ZGRF1: variants seen among roughly 807,000 people sequenced by gnomAD.
ZGRF1 encodes zinc finger GRF-type containing 1.
In ZGRF1, 196 loss-of-function variants were observed where a neutral mutation model predicts 203.5. The observed-to-expected ratio is 0.96, with a 90% CI of 0.86 to 1.08. The LOEUF is 1.08. Ranked by LOEUF, ZGRF1 falls within the 50% of genes least tolerant of loss-of-function variation. ZGRF1 has a pLI of 0.00. For synonymous variants in ZGRF1, 809 were observed against 841.3 expected (o/e 0.96, Z 0.66); for missense variants, 2,326 against 2,416.3 (o/e 0.96, Z 0.78).
At chr4:112,585,859 G>T in intron 13 of ZGRF1, 134 bp from the exon 14 acceptor site, 15 of 412,200 alleles carry the variant, frequency 3.6e-5, no homozygotes, top group South Asian at 8.6e-5. Flanking sequence ...GTTTTTAAAA[G>T]TTATTTTCTG....
rs1375060421 is a variant in ZGRF1 at position 112,587,649 on chromosome 4, T to C, written c.3408A>G (p.Ser1136=). The C allele has an allele frequency of 6.2e-7, 1 of 1,613,684 alleles. No homozygotes were observed. The highest frequency in any genetic ancestry group is 1.3e-5 in the African/African-American group (1 of 74,928). Reference sequence around the variant, plus strand: ...TGCTCTGAGTAGATATATTATTAAGTGAAACATCCCCTGGATTCACTTCCC... The same window carrying C: ...TGCTCTGAGTAGATATATTATTAAGCGAAACATCCCCTGGATTCACTTCCC... ...ESREVNPGDV[S]LNNISTQSKW... is the part of the protein sequence containing the mutation. The change falls in exon 12 of 28, where the codon TCA becomes TCG. Residue 1136 remains serine, a synonymous_variant. Coordinates refer to ENST00000505019, the MANE Select transcript of ZGRF1 (RefSeq NM_018392.5).
chr4:112,595,515 C>T (rs1163933164), intron 10 of ZGRF1, among the ~76,000 whole-genome samples: 7 of 152,064 alleles, frequency 4.6e-5, no homozygotes, highest in Non-Finnish European at 5.9e-5. Context: ...GATAGGAGAC[C>T]AGCCTGGGCA....
In ZGRF1 at chr4:112,605,998, C is replaced by G. The variant is rs906880837; in HGVS notation, c.2802+10G>C. ...TGGTTAAATAAATCGATGTTCTTCA[C>G]AAATTTTACCTTAGGGTCACAGGTT... On this transcript the variant is annotated intron_variant, in intron 9 of 27. Coordinates refer to ENST00000505019, the MANE Select transcript of ZGRF1 (RefSeq NM_018392.5). The G allele has an allele frequency of 6.5e-7, 1 of 1,542,700 alleles. No homozygotes were observed. The highest frequency in any genetic ancestry group is 8.9e-7 in the Non-Finnish European group (1 of 1,128,382).
intron 1 of ZGRF1, among the ~76,000 whole-genome samples, chr4:112,636,342 G>T (rs996595174): frequency 2.0e-5 from 3 of 151,832 alleles, no homozygotes; most frequent in Non-Finnish European, 2.9e-5. Context: ...CATAAAACTC[G>T]GTGTTCTCAG....
intron 16 of ZGRF1, among the ~76,000 whole-genome samples, chr4:112,565,918 C>T (rs1457024407): frequency 6.6e-6 from 1 of 152,156 alleles, no homozygotes; most frequent in African/African-American, 2.4e-5. Flanking sequence ...ACTAGTTCAA[C>T]CCTGTGGAAG....
chr4:112,597,535 A>G (rs556758730), intron 10 of ZGRF1, among the ~76,000 whole-genome samples: 15 of 151,994 alleles, frequency 9.9e-5, no homozygotes, highest in Non-Finnish European at 2.1e-4. Flanking sequence ...AATAATAATA[A>G]TAATAGTAAT....
At chr4:112,625,788 A>G (rs1319052457) in intron 3 of ZGRF1, among the ~76,000 whole-genome samples, 2 of 146,956 alleles carry the variant, frequency 1.4e-5, no homozygotes, top group African/African-American at 5.1e-5. Context: ...CCAGCTACTC[A>G]GGAGGCTGAG....
At position 112,606,031 on chromosome 4, in the gene ZGRF1, C is replaced by G. The variant is rs1229449644; in HGVS notation, c.2779G>C (p.Glu927Gln). The G allele has an allele frequency of 2.1e-5, 33 of 1,603,018 alleles. No homozygotes were observed. Among genetic ancestry groups the G allele is most frequent in the Non-Finnish European group, 2.7e-5 (32 of 1,174,442 alleles). Residue 927 changes from glutamate to glutamine, a missense_variant, in exon 9 of 28, where the codon GAG becomes CAG. Physicochemically the swap from Glu to Gln is conservative, Grantham distance 29. Transcript: ENST00000505019. The part of the protein sequence containing the change: ...AFQAVIPKQI[E>Q]RKTCDPKPVE... ...ACCTTAGGGTCACAGGTTTTTCTCT[C>G]TATTTGTTTAGGAATAACAGCTTGA...
chr4:112,603,428 CTT>C lies in ZGRF1; in HGVS notation c.2976+94_2976+95del, dbSNP rs1008472019. 180 of 784,136 alleles carry C rather than the reference CTT, an allele frequency of 2.3e-4. 1 individual carries two copies. The Middle Eastern group carries it at 3.8e-3, about 16-fold the overall frequency. The allele number at this position is 784,136 out of a possible 1,614,324, so 48.6% of individuals were successfully genotyped here. A position where few individuals can be genotyped will look rare whatever the true frequency, so the allele number is the denominator to read the frequency against. On this transcript the variant is annotated intron_variant, in intron 10 of 27. Coordinates refer to ENST00000505019, the MANE Select transcript of ZGRF1 (RefSeq NM_018392.5). ...GTCAATTTACTGTACTCCTTTTTAA[CTT>C]ATAACTGTATAAACAACTATACTAT...
At chr4:112,591,660 A>C (rs1247544392) in intron 10 of ZGRF1, among the ~76,000 whole-genome samples, 2 of 152,098 alleles carry the variant, frequency 1.3e-5, no homozygotes, top group Non-Finnish European at 2.9e-5. Context: ...CTTCTGCCCC[A>C]AAACCTTTGC....
At chr4:112,596,450 G>A (rs924254204) in intron 10 of ZGRF1, among the ~76,000 whole-genome samples, 30 of 152,014 alleles carry the variant, frequency 2.0e-4, no homozygotes, top group Admixed American at 2.6e-4. Flanking sequence ...ACACTGGGGG[G>A]AAAAGCAACA....
chr4:112,570,018 C>T (rs1011030266), intron 16 of ZGRF1, among the ~76,000 whole-genome samples: 5 of 151,878 alleles, frequency 3.3e-5, no homozygotes, highest in African/African-American at 1.2e-4. Context: ...AATAAAATAG[C>T]CCTAATATAT....
At chr4:112,613,355 A>G (rs550503570) in intron 6 of ZGRF1, among the ~76,000 whole-genome samples, 1 of 152,328 alleles carries the variant, frequency 6.6e-6, no homozygotes, top group South Asian at 2.1e-4. Flanking sequence ...CATTTTTACT[A>G]TGGCTTAAGA....
chr4:112,628,020 A>C (rs566540855), intron 3 of ZGRF1, among the ~76,000 whole-genome samples: 1 of 152,300 alleles, frequency 6.6e-6, no homozygotes, highest in African/African-American at 2.4e-5. Context: ...TTTGTTTACA[A>C]AACAGAACAA....
chr4:112,605,955 CAGAAA>C, intron 9 of ZGRF1, 48 bp downstream of exon 9: 1 of 1,183,186 alleles, frequency 8.5e-7, no homozygotes, highest in Non-Finnish European at 1.2e-6. Context: ...TTGTTTTAAA[CAGAAA>C]AGAAAATGTA....
rs192625642 is a variant in ZGRF1, at chr4:112,631,681, A to T, written c.102+249T>A. 5.3e-3 allele frequency among the ~76,000 whole-genome samples: 811 copies of T among 152,278 alleles called. 6 individuals are homozygous for T. The highest frequency in any genetic ancestry group is 0.018 in the African/African-American group (755 of 41,552). ...AGTAAGACTCTGTCTCAAAAAAAAT[A>T]AAAATAAATAACAATAGTTACTGTA... On this transcript the variant is annotated intron_variant, in intron 3 of 27. Coordinates refer to ENST00000505019, the MANE Select transcript of ZGRF1 (RefSeq NM_018392.5).
intron 16 of ZGRF1, among the ~76,000 whole-genome samples, chr4:112,575,143 A>G (rs1390122896): frequency 2.0e-5 from 3 of 152,216 alleles, no homozygotes; most frequent in Non-Finnish European, 4.4e-5. Flanking sequence ...AGAAGCATCA[A>G]CAAACTTATT....
chr4:112,619,349 C>A lies in ZGRF1; in HGVS notation c.693G>T (p.Glu231Asp). The A allele has an allele frequency of 6.2e-7, 1 of 1,612,494 alleles. No individual in the cohort carries two copies. The change falls in exon 6 of 28, where the codon GAG (glutamate) becomes GAT (aspartate). Residue 231 changes from glutamate to aspartate, a missense_variant. Coordinates refer to ENST00000505019, the MANE Select transcript of ZGRF1 (RefSeq NM_018392.5). ...NKLSDSLLTN[E>D]PVKRDSLASH... ...ATGCCAAACTATCTCTTTTCACAGG[C>A]TCATTGGTCAGTAAAGAGTCTGAAA...
chr4:112,606,003 T>G lies in ZGRF1; in HGVS notation c.2802+5A>C, dbSNP rs1037141160. ...AAATAAATCGATGTTCTTCACAAAT[T>G]TTACCTTAGGGTCACAGGTTTTTCT... On this transcript the variant is annotated splice_donor_5th_base_variant and intron_variant, in intron 9 of 27. Transcript: ENST00000505019. The G allele has an allele frequency of 2.6e-6, 4 of 1,563,262 alleles. No individual in the cohort carries two copies. Among genetic ancestry groups the G allele is most frequent in the Admixed American group, 1.8e-5 (1 of 54,538 alleles).
Sources: gnomAD v4.1 joint callset for allele counts (sites outside exome capture counted in the v4.1 genomes callset) on GRCh38, gnomAD v4.1.1 for gene constraint, MANE v1.5 for transcripts, NCBI Gene and HGNC (gene_info 2026-07-23, HGNC 2026-07-21) for gene names.